The following DNAH6 variants were observed in gnomAD, a reference collection of about 807,000 sequenced individuals.
The protein encoded by DNAH6 is axonemal beta dynein heavy chain 6.
In DNAH6, 340 loss-of-function variants were observed where a neutral mutation model predicts 491.4. The observed-to-expected ratio is 0.69, with a 90% confidence interval of 0.63 to 0.76. DNAH6 has a LOEUF of 0.76. Ranked by LOEUF, DNAH6 falls within the 30% of genes least tolerant of loss-of-function variation. The pLI is 0.00. For synonymous variants in DNAH6, 1,603 were observed against 1,686.1 expected (o/e 0.95, Z 1.21); for missense variants, 4,443 against 4,972.2 (o/e 0.89, Z 3.20).
chr2:84,473,977 A>C, the DNAH6 span, among the ~76,000 whole-genome samples: 3 of 152,332 alleles, frequency 2.0e-5, no homozygotes, highest in South Asian at 6.2e-4. Flanking sequence ...AAATAGTCAG[A>C]CTATTTAGCA....
At chr2:84,787,121 T>C in intron 67 of DNAH6, 43 bp from the exon 68 acceptor site, 1 of 1,421,508 alleles carries the variant, frequency 7.0e-7, no homozygotes, top group Non-Finnish European at 9.4e-7. Context: ...CAAAATTAAT[T>C]TTATCAAATT....
chr2:84,546,070 T>C (rs1426291040), intron 5 of DNAH6, among the ~76,000 whole-genome samples: 1 of 152,142 alleles, frequency 6.6e-6, no homozygotes, highest in South Asian at 2.1e-4. Flanking sequence ...ACTCTCTATT[T>C]CTTTCTGACC....
chr2:84,611,400 T>C (rs1479800900), intron 21 of DNAH6, among the ~76,000 whole-genome samples: 1 of 152,056 alleles, frequency 6.6e-6, no homozygotes, highest in Non-Finnish European at 1.5e-5. Flanking sequence ...CCCCTGAATC[T>C]CTCCTGTGGG....
chr2:84,785,863 G>T (rs543812842), intron 67 of DNAH6, 107 bp downstream of exon 67: 530 of 1,177,782 alleles, frequency 4.5e-4, no homozygotes, highest in Non-Finnish European at 5.3e-4. Flanking sequence ...AATGCTGAAG[G>T]CCCCATTCTG....
intron 18 of DNAH6, among the ~76,000 whole-genome samples, chr2:84,603,050 A>G (rs1001362184): frequency 2.0e-5 from 3 of 151,780 alleles, no homozygotes; most frequent in African/African-American, 4.8e-5. Flanking sequence ...CATGTTAATC[A>G]TAGTTATTTT....
At chr2:84,475,482 C>T in the DNAH6 span, among the ~76,000 whole-genome samples, 1 of 152,156 alleles carries the variant, frequency 6.6e-6, no homozygotes, top group South Asian at 2.1e-4. Flanking sequence ...TAGCTCTTGC[C>T]TTTTTATTTC....
Position 84,669,353 on chromosome 2 carries a change from G to A in DNAH6, c.6149G>A (p.Trp2050Ter). Residue 2050 changes from tryptophan (W) to a stop codon, truncating the protein, a stop_gained, in exon 38 of 77, where the codon TGG (tryptophan) becomes TAG (stop). Transcript: ENST00000389394. LOFTEE classifies it high-confidence loss of function. ...MDFDTKRLDP[W>*]ERIIPTFKYN... is the part of the protein sequence containing the mutation. ...TTTGACACCAAACGGCTGGATCCCT[G>A]GGAACGAATCATACCTACTTTCAAA... 1 of 1,548,104 alleles carries A rather than the reference G, an allele frequency of 6.5e-7. No homozygotes were observed. Among genetic ancestry groups the A allele is most frequent in the African/African-American group, 1.4e-5 (1 of 73,092 alleles).
intron 11 of DNAH6, among the ~76,000 whole-genome samples, chr2:84,560,921 C>T (rs1306988960): frequency 1.3e-5 from 2 of 151,356 alleles, no homozygotes; most frequent in East Asian, 1.9e-4. Flanking sequence ...AATAAACATA[C>T]GTGTGCATGT....
chr2:84,661,078 C>T (rs964067079), intron 37 of DNAH6, among the ~76,000 whole-genome samples: 1 of 151,752 alleles, frequency 6.6e-6, no homozygotes, highest in South Asian at 2.1e-4. Flanking sequence ...TTAATATGTC[C>T]TTTTGTCTTC....
chr2:84,471,917 C>T, the DNAH6 span, among the ~76,000 whole-genome samples: 1 of 152,278 alleles, frequency 6.6e-6, no homozygotes, highest in East Asian at 1.9e-4. Context: ...GATGCTGTGG[C>T]TCATGATAGA....
At chr2:84,781,779 T>C in intron 65 of DNAH6, 126 bp downstream of exon 65, 1 of 1,204,008 alleles carries the variant, frequency 8.3e-7, no homozygotes. Context: ...GAGGAGAAAT[T>C]TGAGGCCTAG....
chr2:84,683,412 A>ATTTTTTT (rs61217837), intron 42 of DNAH6, among the ~76,000 whole-genome samples: 20 of 93,894 alleles, frequency 2.1e-4, no homozygotes, highest in Middle Eastern at 7.4e-3. Context: ...CACCACTCTT[A>ATTTTTTT]TTTTTTTTTT....
the DNAH6 span, among the ~76,000 whole-genome samples, chr2:84,466,067 G>A: frequency 3.3e-5 from 5 of 152,284 alleles, 1 homozygote; most frequent in South Asian, 1.0e-3. Context: ...AAATACCTAT[G>A]AGTTGGGTAA....
chr2:84,476,465 C>T, the DNAH6 span, among the ~76,000 whole-genome samples: 4 of 152,202 alleles, frequency 2.6e-5, no homozygotes, highest in African/African-American at 9.7e-5. Flanking sequence ...GCAGTTGGAA[C>T]CGACGGGCTA....
chr2:84,532,370 C>T (rs1677256727), intron 4 of DNAH6, among the ~76,000 whole-genome samples: 1 of 152,118 alleles, frequency 6.6e-6, no homozygotes, highest in Non-Finnish European at 1.5e-5. Context: ...GAATCTTCCT[C>T]CCTAACTTGA....
intron 62 of DNAH6, among the ~76,000 whole-genome samples, chr2:84,734,042 G>A (rs967968550): frequency 4.6e-5 from 7 of 151,068 alleles, no homozygotes; most frequent in Admixed American, 1.3e-4. Context: ...ATTCTCTCTC[G>A]CTTCTCTCTT....
chr2:84,476,959 G>A, the DNAH6 span, among the ~76,000 whole-genome samples: 2 of 152,146 alleles, frequency 1.3e-5, no homozygotes, highest in Admixed American at 6.5e-5. Context: ...GTCCTTTGAC[G>A]GCGCATCCTC....
At chr2:84,658,131 G>A (rs556333073) in intron 35 of DNAH6, among the ~76,000 whole-genome samples, 161 bp from the exon 36 acceptor site, 1 of 151,966 alleles carries the variant, frequency 6.6e-6, no homozygotes, top group Admixed American at 6.6e-5. Flanking sequence ...GTCATAAAAG[G>A]TTTCCTTAAA....
chr2:84,594,574 G>A (rs1486272978), intron 17 of DNAH6, among the ~76,000 whole-genome samples: 1 of 152,162 alleles, frequency 6.6e-6, no homozygotes. Context: ...ACAGCCATCA[G>A]AGAGTTTTGT....
Sources: gnomAD v4.1 joint callset for allele counts (sites outside exome capture counted in the v4.1 genomes callset) on GRCh38, gnomAD v4.1.1 for gene constraint, MANE v1.5 for transcripts, NCBI Gene and HGNC (gene_info 2026-07-23, HGNC 2026-07-21) for gene names.